CSMD1: variants seen among roughly 807,000 people sequenced by gnomAD.
CSMD1 encodes the protein CUB and Sushi multiple domains 1.
A neutral mutation model predicts 417.5 loss-of-function variants in CSMD1; 213 were observed. That is an observed-to-expected ratio of 0.51 (90% CI 0.46 to 0.57). The LOEUF (loss-of-function observed/expected upper bound fraction) is 0.57, where lower values mean the gene tolerates loss of function less well. Among genes scored for constraint, CSMD1 ranks in the 20% least tolerant of loss-of-function variants. The probability of loss-of-function intolerance (pLI) is 0.00; values close to 1 mark genes in which losing one functional copy is unlikely to be tolerated. For synonymous variants in CSMD1, 2,862 were observed against 1,736.8 expected, an observed-to-expected ratio of 1.65 and a Z score of -16.11; for missense variants, 6,923 against 4,529.7, an observed-to-expected ratio of 1.53 and a Z score of -15.17.
At chr8:4,586,627 T>G (rs148048120) in intron 2 of CSMD1, among the ~76,000 whole-genome samples, 3 of 152,324 alleles carry the variant, frequency 2.0e-5, no homozygotes, top group African/African-American at 4.8e-5. Context: ...TCCCTCTCAG[T>G]AATTTATATC....
At chr8:3,823,806 A>G (rs1452810801) in intron 5 of CSMD1, among the ~76,000 whole-genome samples, 1 of 152,214 alleles carries the variant, frequency 6.6e-6, no homozygotes, top group Non-Finnish European at 1.5e-5. Flanking sequence ...AAATATGTTA[A>G]AAATGACTTG....
chr8:4,703,690 C>A (rs1234308165), intron 1 of CSMD1, among the ~76,000 whole-genome samples: 1 of 152,032 alleles, frequency 6.6e-6, no homozygotes, highest in Non-Finnish European at 1.5e-5. Flanking sequence ...TTAGCATTGC[C>A]TGCGACCTTG....
intron 3 of CSMD1, among the ~76,000 whole-genome samples, chr8:4,099,282 C>T (rs1451898737): frequency 6.6e-6 from 1 of 151,996 alleles, no homozygotes; most frequent in Non-Finnish European, 1.5e-5. Flanking sequence ...TTCATCGCCT[C>T]TATCCTTATT....
Position 2,988,719 on chromosome 8 carries a change from A to C in CSMD1, c.8377+9292T>G, listed in dbSNP as rs73502844. ...CTTCTTTTATTTATTTTTTAATCTTATATGCAAAGATAGTGTTACTGGGTT... is the reference window on the plus strand; with the variant it reads ...CTTCTTTTATTTATTTTTTAATCTTCTATGCAAAGATAGTGTTACTGGGTT... On this transcript the variant is annotated intron_variant, in intron 54 of 69. Transcript: ENST00000635120. Among the ~76,000 whole-genome samples, 557 of 152,296 alleles carry C rather than the reference A, an allele frequency of 3.7e-3. 3 individuals carry two copies. The highest frequency in any genetic ancestry group is 0.012 in the African/African-American group (517 of 41,568).
At chr8:3,312,135 A>AAAATGTCTACTAAAC (rs1468883070) in intron 23 of CSMD1, among the ~76,000 whole-genome samples, 4 of 152,226 alleles carry the variant, frequency 2.6e-5, no homozygotes, top group African/African-American at 9.6e-5. Context: ...TGTATCCATT[A>AAAATGTCTACTAAAC]AAATGTCTAC....
chr8:3,083,641 TATATATA>T (rs1284722566), intron 49 of CSMD1, among the ~76,000 whole-genome samples: 5 of 31,576 alleles, frequency 1.6e-4, no homozygotes, highest in African/African-American at 6.1e-4. Flanking sequence ...TATATATATA[TATATATA>T]TTTTTTTTTT....
intron 3 of CSMD1, among the ~76,000 whole-genome samples, chr8:4,139,346 T>C (rs1803635273): frequency 6.6e-6 from 1 of 152,164 alleles, no homozygotes; most frequent in East Asian, 1.9e-4. Context: ...TAATGAAAAT[T>C]TTTTGACCAG....
intron 5 of CSMD1, among the ~76,000 whole-genome samples, chr8:3,921,808 A>T (rs1321974918): frequency 6.6e-6 from 1 of 152,140 alleles, no homozygotes; most frequent in Admixed American, 6.6e-5. Context: ...CTAACATATG[A>T]TCTATCCTGG....
intron 3 of CSMD1, among the ~76,000 whole-genome samples, chr8:4,082,849 G>T (rs925089005): frequency 7.0e-6 from 1 of 142,954 alleles, no homozygotes; most frequent in East Asian, 2.1e-4. Flanking sequence ...CCACCTATGA[G>T]TGGGAACATG....
intron 5 of CSMD1, among the ~76,000 whole-genome samples, chr8:3,834,550 C>G (rs561619166): frequency 1.3e-5 from 2 of 152,164 alleles, no homozygotes; most frequent in South Asian, 2.1e-4. Flanking sequence ...CCAAAACTGG[C>G]TGATTTAAAT....
chr8:4,624,242 T>A (rs926196659), intron 2 of CSMD1, among the ~76,000 whole-genome samples: 9 of 152,132 alleles, frequency 5.9e-5, no homozygotes, highest in African/African-American at 1.9e-4. Context: ...GCAAGTACAC[T>A]TCCGGTAGAT....
chr8:4,010,091 A>G (rs1816428986), intron 4 of CSMD1, among the ~76,000 whole-genome samples: 2 of 152,176 alleles, frequency 1.3e-5, no homozygotes, highest in Admixed American at 1.3e-4. Flanking sequence ...ACTACTTCTG[A>G]CATATTTTCC....
At chr8:3,264,646 A>G (rs1473376077) in intron 26 of CSMD1, among the ~76,000 whole-genome samples, 1 of 152,188 alleles carries the variant, frequency 6.6e-6, no homozygotes, top group Non-Finnish European at 1.5e-5. Flanking sequence ...TCTTTCTTCT[A>G]AGGGAAGTAC....
At chr8:4,411,824 C>G (rs892515560) in intron 3 of CSMD1, among the ~76,000 whole-genome samples, 18 of 152,110 alleles carry the variant, frequency 1.2e-4, no homozygotes, top group African/African-American at 4.3e-4. Flanking sequence ...TATGCAAATA[C>G]TTTTATTTAT....
At chr8:4,883,584 T>G (rs1184331155) in intron 1 of CSMD1, among the ~76,000 whole-genome samples, 1 of 152,100 alleles carries the variant, frequency 6.6e-6, no homozygotes, top group African/African-American at 2.4e-5. Context: ...AATCACATAA[T>G]ATTTTGTGGC....
chr8:4,403,638 G>A lies in CSMD1; in HGVS notation c.415+16315C>T, dbSNP rs569394193. Among the ~76,000 whole-genome samples the A allele has an allele frequency of 9.9e-5, 15 of 152,160 alleles. No homozygotes were observed. In the East Asian group the frequency reaches 1.2e-3, roughly 12 times the overall value. ...TTTTCACCATCTGGTCTACTTAGTC[G>A]GTGTTTATTTGTTTTCATCTCTCTA... On this transcript the variant is annotated intron_variant, in intron 3 of 69. Transcript: ENST00000635120.
intron 17 of CSMD1, among the ~76,000 whole-genome samples, chr8:3,389,304 T>C (rs112368301): frequency 0.046 from 6,992 of 152,194 alleles, 446 homozygotes; most frequent in South Asian, 0.18. Context: ...GTGTGTGTTG[T>C]TCCCTCTATG....
chr8:3,300,170 A>C (rs2117333790), intron 25 of CSMD1, among the ~76,000 whole-genome samples: 1 of 152,388 alleles, frequency 6.6e-6, no homozygotes, highest in Non-Finnish European at 1.5e-5. Flanking sequence ...GGATGTAAAC[A>C]TTTGGCCATG....
chr8:3,709,680 GTTTTTTTTTTTTTTT>G (rs56272726), intron 6 of CSMD1, among the ~76,000 whole-genome samples: 485 of 33,708 alleles, frequency 0.014, 10 homozygotes, highest in Middle Eastern at 0.032. Context: ...GCAGCAGCAT[GTTTTTTTTTTTTTTT>G]TTTTTTTTTT....
Sources: gnomAD v4.1 joint callset for allele counts (sites outside exome capture counted in the v4.1 genomes callset) on GRCh38, gnomAD v4.1.1 for gene constraint, MANE v1.5 for transcripts, NCBI Gene and HGNC (gene_info 2026-07-23, HGNC 2026-07-21) for gene names.